Variants in PLA2R1 observed in about 807,000 individuals in gnomAD.
PLA2R1 encodes the protein phospholipase A2 receptor 1.
In PLA2R1, 158 loss-of-function variants were observed where a neutral mutation model predicts 195.9. That is an observed-to-expected ratio of 0.81 (90% confidence interval 0.71 to 0.92). PLA2R1 has a LOEUF of 0.92. Ranked by LOEUF, PLA2R1 falls within the 40% of genes least tolerant of loss-of-function variation. PLA2R1 has a pLI of 0.00. For synonymous variants in PLA2R1, 586 were observed against 598.2 expected (o/e 0.98, Z 0.30); for missense variants, 1,626 against 1,764.6 (o/e 0.92, Z 1.41).
chr2:160,056,544 A>G (rs555482234), intron 1 of PLA2R1, among the ~76,000 whole-genome samples: 25 of 151,218 alleles, frequency 1.7e-4, no homozygotes, highest in Non-Finnish European at 2.4e-4. Context: ...CTATTCTGCA[A>G]TCTTCCCTCA....
In PLA2R1 at chr2:159,962,824, A is replaced by G. The variant is rs1688538358; in HGVS notation, c.2904+4715T>C. On this transcript the variant is annotated intron_variant, in intron 20 of 29. Transcript: ENST00000283243. ...CCACATGTTCTCACTCATAAGTGGG[A>G]GCTAACAATGAGAACACATGGACAT... Among the ~76,000 whole-genome samples, 2 of 152,160 alleles carry G rather than the reference A, an allele frequency of 1.3e-5. 1 individual carries two copies. Among genetic ancestry groups the G allele is most frequent in the South Asian group, 4.1e-4 (2 of 4,828 alleles).
intron 11 of PLA2R1, among the ~76,000 whole-genome samples, chr2:159,994,210 T>A (rs1384386467): frequency 2.0e-5 from 3 of 152,072 alleles, no homozygotes; most frequent in Non-Finnish European, 4.4e-5. Flanking sequence ...AAATGCGTAT[T>A]TTATGAAAAA....
At chr2:160,032,910 A>G in intron 4 of PLA2R1, 49 bp downstream of exon 4, 1 of 1,263,810 alleles carries the variant, frequency 7.9e-7, no homozygotes, top group South Asian at 1.3e-5. Flanking sequence ...AACAGTTAAC[A>G]ACCATCTTTT....
rs372459109 is a variant in PLA2R1 at position 159,977,428 on chromosome 2, G to T, written c.2269-12C>A. 2 of 1,611,830 alleles carry T rather than the reference G, an allele frequency of 1.2e-6. No individual in the cohort carries two copies. Among genetic ancestry groups the T allele is most frequent in the African/African-American group, 2.7e-5 (2 of 74,840 alleles). On this transcript the variant is annotated splice_polypyrimidine_tract_variant and intron_variant, in intron 14 of 29. Transcript: ENST00000283243. ...AACGAAGAGACAACCTGCAGCAGAT[G>T]AAGTTCATTATTCCTTAATGATGAT...
At chr2:159,999,972 G>C (rs1449746364) in intron 11 of PLA2R1, among the ~76,000 whole-genome samples, 1 of 152,148 alleles carries the variant, frequency 6.6e-6, no homozygotes, top group Non-Finnish European at 1.5e-5. Flanking sequence ...ATGTATGGCT[G>C]AGCTGGCACA....
intron 14 of PLA2R1, among the ~76,000 whole-genome samples, chr2:159,979,081 C>T (rs1689768209): frequency 1.3e-5 from 2 of 152,188 alleles, no homozygotes; most frequent in Admixed American, 1.3e-4. Context: ...ACTCAATAAA[C>T]AGCAGTTGCA....
chr2:159,947,680 T>C (rs1472116678), intron 25 of PLA2R1, 121 bp from the exon 26 acceptor site: 4 of 945,030 alleles, frequency 4.2e-6, no homozygotes, highest in Middle Eastern at 5.9e-4. Flanking sequence ...TTCATGGTAA[T>C]ACTCTGAAAG....
the PLA2R1 span, among the ~76,000 whole-genome samples, chr2:159,924,732 G>A: frequency 9.2e-6 from 1 of 108,348 alleles, no homozygotes; most frequent in African/African-American, 2.9e-5. Context: ...TGGGGGCTGG[G>A]GGGGGGGCGG....
At chr2:159,970,287 C>A in intron 17 of PLA2R1, 75 bp from the exon 18 acceptor site, 1 of 938,646 alleles carries the variant, frequency 1.1e-6, no homozygotes, top group Non-Finnish European at 1.7e-6. Context: ...GGGGTTGCTG[C>A]TAATAGCTTT....
chr2:159,980,415 A>G (rs1227721641), intron 13 of PLA2R1, among the ~76,000 whole-genome samples: 1 of 152,238 alleles, frequency 6.6e-6, no homozygotes, highest in African/African-American at 2.4e-5. Context: ...TGTGTTTGCT[A>G]CTTCACTATA....
chr2:160,062,532 C>T lies in PLA2R1; in HGVS notation c.-129G>A, dbSNP rs62175520. 28,714 of 1,388,628 alleles carry T rather than the reference C, an allele frequency of 0.021. 400 individuals carry two copies. Among genetic ancestry groups the T allele is most frequent in the Middle Eastern group, 0.027 (101 of 3,750 alleles). The allele number at this position is 1,388,628 out of a possible 1,614,324, so 86.0% of individuals were successfully genotyped here. The stretch of plus-strand genomic sequence containing the variant: ...TCCGTAGCCTCCTCCGCGCCCCACC[C>T]CCTCCGGGGGCCTTGCCAGCCCAGA... On this transcript the variant is annotated 5_prime_UTR_variant, in exon 1 of 30. Transcript: ENST00000283243.
intron 11 of PLA2R1, among the ~76,000 whole-genome samples, chr2:159,991,500 C>A (rs77353734): frequency 7.4e-5 from 11 of 149,546 alleles, no homozygotes; most frequent in African/African-American, 2.5e-4. Flanking sequence ...TTTAGGGTAC[C>A]TGTGCACATT....
rs556458254 is a variant in PLA2R1 at position 160,056,582 on chromosome 2, G to C, written c.109+5713C>G. On this transcript the variant is annotated intron_variant, in intron 1 of 29. Transcript: ENST00000283243. ...TAACTTTCACTAACTGTTTTCTTTT[G>C]TTGTTGTTTTTAAATATATATTTTC... Among the ~76,000 whole-genome samples the C allele has an allele frequency of 7.2e-5, 11 of 152,066 alleles. No homozygotes were observed. In the South Asian group the frequency reaches 1.9e-3, roughly 26 times the overall value.
chr2:159,943,016 G>T (rs1034541253), intron 28 of PLA2R1, among the ~76,000 whole-genome samples: 1 of 150,596 alleles, frequency 6.6e-6, no homozygotes, highest in African/African-American at 2.5e-5. Flanking sequence ...CTGTTGCCCG[G>T]GCCAGAGTAC....
At chr2:159,991,213 G>A (rs866724664) in intron 11 of PLA2R1, among the ~76,000 whole-genome samples, 1 of 152,138 alleles carries the variant, frequency 6.6e-6, no homozygotes, top group Non-Finnish European at 1.5e-5. Flanking sequence ...CCTGTGTGTG[G>A]CCACAGCATT....
intron 24 of PLA2R1, among the ~76,000 whole-genome samples, 178 bp from the exon 25 acceptor site, chr2:159,949,954 T>C (rs1379835482): frequency 6.6e-6 from 1 of 152,184 alleles, no homozygotes; most frequent in South Asian, 2.1e-4. Flanking sequence ...ACAAATGAGA[T>C]CTTTTTTGAT....
Position 159,955,194 on chromosome 2 carries a change from C to T in PLA2R1, c.3301+5G>A, listed in dbSNP as rs1358371696. ...GAAAGGAATAAAAACCCAAATATTT[C>T]TTACCTTGCATTTTTTCACAAACAA... On this transcript the variant is annotated splice_donor_5th_base_variant and intron_variant, in intron 23 of 29. Coordinates refer to ENST00000283243, the MANE Select transcript of PLA2R1 (RefSeq NM_007366.5). The T allele has an allele frequency of 1.3e-6, 2 of 1,596,958 alleles. No individual in the cohort carries two copies. The highest frequency in any genetic ancestry group is 2.7e-5 in the African/African-American group (2 of 74,070).
intron 4 of PLA2R1, among the ~76,000 whole-genome samples, chr2:160,032,017 T>C (rs1165104464): frequency 1.3e-5 from 2 of 152,232 alleles, no homozygotes; most frequent in Non-Finnish European, 2.9e-5. Flanking sequence ...TCCACCTGCC[T>C]TGGCCTCCCA....
At chr2:159,925,399 T>C in the PLA2R1 span, among the ~76,000 whole-genome samples, 2 of 152,180 alleles carry the variant, frequency 1.3e-5, no homozygotes, top group African/African-American at 2.4e-5. Flanking sequence ...AAATACATTT[T>C]GGGCTCTTAT....
Sources: gnomAD v4.1 joint callset for allele counts (sites outside exome capture counted in the v4.1 genomes callset) on GRCh38, gnomAD v4.1.1 for gene constraint, MANE v1.5 for transcripts, NCBI Gene and HGNC (gene_info 2026-07-23, HGNC 2026-07-21) for gene names.